Variants in CNTNAP5 observed in about 807,000 individuals in gnomAD.
CNTNAP5 encodes contactin-associated protein-like 5.
CNTNAP5 carries 72 observed loss-of-function variants against 150.2 expected under a neutral mutation model. The ratio of observed to expected loss-of-function variants is 0.48; its 90% CI spans 0.40 to 0.58. CNTNAP5 has a LOEUF of 0.58. Among genes scored for constraint, CNTNAP5 ranks in the 20% least tolerant of loss-of-function variants. The pLI is 0.00. For synonymous variants in CNTNAP5, 672 were observed against 619.8 expected (o/e 1.08, Z -1.25); for missense variants, 1,636 against 1,626.2 (o/e 1.01, Z -0.10).
At chr2:124,706,916 G>GAGAAGAAGAAGAAGAAGAAGA (rs796272013) in intron 13 of CNTNAP5, among the ~76,000 whole-genome samples, 4 of 30,006 alleles carry the variant, frequency 1.3e-4, no homozygotes, top group African/African-American at 5.2e-4. Context: ...GGAGGAGGAG[G>GAGAAGAAGAAGAAGAAGAAGA]AGAAGAAGAA....
At chr2:124,573,007 A>G (rs181400826) in intron 11 of CNTNAP5, among the ~76,000 whole-genome samples, 5 of 152,308 alleles carry the variant, frequency 3.3e-5, no homozygotes, top group Non-Finnish European at 5.9e-5. Context: ...TTTGGCACCT[A>G]GTTACACATA....
At chr2:124,046,379 G>A (rs989804487) in intron 1 of CNTNAP5, among the ~76,000 whole-genome samples, 1 of 144,812 alleles carries the variant, frequency 6.9e-6, no homozygotes, top group African/African-American at 2.6e-5. Flanking sequence ...ATTACTCAGA[G>A]CCTTTCCCTT....
chr2:124,830,127 T>C (rs999509166), intron 19 of CNTNAP5, among the ~76,000 whole-genome samples: 5 of 151,906 alleles, frequency 3.3e-5, no homozygotes, highest in Non-Finnish European at 7.4e-5. Flanking sequence ...ATATTTTCTA[T>C]ACAATCTACC....
At chr2:124,399,454 T>C (rs963580742) in intron 3 of CNTNAP5, among the ~76,000 whole-genome samples, 4 of 152,172 alleles carry the variant, frequency 2.6e-5, no homozygotes, top group African/African-American at 7.2e-5. Flanking sequence ...GGTGAAATTA[T>C]CTTTGGCGAA....
intron 17 of CNTNAP5, among the ~76,000 whole-genome samples, chr2:124,786,443 G>GA: frequency 1.9e-5 from 2 of 104,448 alleles, no homozygotes; most frequent in African/African-American, 4.1e-5. Flanking sequence ...AGGAAGGAAG[G>GA]AAGGAAAGAA....
chr2:124,387,790 C>G (rs1037813784), intron 3 of CNTNAP5, among the ~76,000 whole-genome samples: 2 of 152,136 alleles, frequency 1.3e-5, no homozygotes, highest in African/African-American at 4.8e-5. Context: ...ACAGGGGATG[C>G]GATGGCTTGG....
intron 22 of CNTNAP5, among the ~76,000 whole-genome samples, chr2:124,903,791 T>C (rs1360691766): frequency 6.6e-6 from 1 of 152,112 alleles, no homozygotes; most frequent in Non-Finnish European, 1.5e-5. Context: ...TGGTGGCTTA[T>C]GCCTGAAATT....
chr2:124,772,707 T>C, intron 16 of CNTNAP5, 92 bp from the exon 17 acceptor site: 1 of 898,540 alleles, frequency 1.1e-6, no homozygotes, highest in Non-Finnish European at 1.8e-6. Context: ...TCTATATTGA[T>C]ACTGACTTAC....
rs537748379 is a variant in CNTNAP5, at chr2:124,252,196, G to T, written c.381+9803G>T. 3.9e-5 allele frequency among the ~76,000 whole-genome samples: 6 copies of T among 152,286 alleles called. No individual in the cohort carries two copies. In the East Asian group the frequency reaches 9.7e-4, roughly 25 times the overall value. On this transcript the variant is annotated intron_variant, in intron 3 of 23. Transcript: ENST00000682447. The stretch of plus-strand genomic sequence containing the variant: ...GGGCTATAAATATGTGAGAATTTAA[G>T]AATGTATGTGTGTGTATAGAAGAAG...
intron 13 of CNTNAP5, among the ~76,000 whole-genome samples, chr2:124,720,902 T>C (rs1299417972): frequency 6.6e-6 from 1 of 152,182 alleles, no homozygotes; most frequent in African/African-American, 2.4e-5. Context: ...GGCCCCTTAA[T>C]TTTTTTCTTC....
intron 10 of CNTNAP5, among the ~76,000 whole-genome samples, chr2:124,540,233 G>A (rs1695345727): frequency 6.6e-6 from 1 of 152,158 alleles, no homozygotes; most frequent in South Asian, 2.1e-4. Flanking sequence ...TAGGTAGGGG[G>A]CTATCCCTGC....
intron 3 of CNTNAP5, among the ~76,000 whole-genome samples, chr2:124,410,945 G>A (rs1273228210): frequency 6.6e-6 from 1 of 151,920 alleles, no homozygotes; most frequent in African/African-American, 2.4e-5. Context: ...CCAGGAGCTG[G>A]TTTTTTGAAA....
intron 5 of CNTNAP5, among the ~76,000 whole-genome samples, chr2:124,438,778 G>GT (rs36040295): frequency 5.3e-5 from 8 of 151,700 alleles, no homozygotes; most frequent in East Asian, 1.9e-4. Flanking sequence ...TACTATAAAA[G>GT]TTTTTTTTTA....
chr2:124,680,166 T>C (rs13413315), intron 13 of CNTNAP5, among the ~76,000 whole-genome samples: 39,486 of 151,798 alleles, frequency 0.26, 5,687 homozygotes, highest in African/African-American at 0.37. Flanking sequence ...GTCAACCAGA[T>C]TCCTCTTTAT....
intron 7 of CNTNAP5, among the ~76,000 whole-genome samples, chr2:124,497,969 A>C (rs1291420183): frequency 6.6e-6 from 1 of 152,194 alleles, no homozygotes; most frequent in African/African-American, 2.4e-5. Context: ...TCTGTGTCAA[A>C]AGTCTTGAGG....
At chr2:124,461,460 A>T (rs1693249427) in intron 6 of CNTNAP5, among the ~76,000 whole-genome samples, 1 of 141,732 alleles carries the variant, frequency 7.1e-6, no homozygotes, top group Non-Finnish European at 1.5e-5. Context: ...TCTCACTCAT[A>T]GGTGGGAATT....
chr2:124,324,390 G>A (rs1689167564), intron 3 of CNTNAP5, among the ~76,000 whole-genome samples: 1 of 152,188 alleles, frequency 6.6e-6, no homozygotes, highest in South Asian at 2.1e-4. Flanking sequence ...GGCCATAGAT[G>A]TATATGTCAG....
intron 8 of CNTNAP5, among the ~76,000 whole-genome samples, chr2:124,512,323 G>C (rs1694611749): frequency 6.6e-6 from 1 of 151,634 alleles, no homozygotes. Context: ...GTATTAAAGA[G>C]TAAGTCTACA....
chr2:124,098,864 T>C lies in CNTNAP5; in HGVS notation c.82+73132T>C, dbSNP rs533113839. 1.1e-3 allele frequency among the ~76,000 whole-genome samples: 160 copies of C among 152,294 alleles called. 1 individual carries two copies. The highest frequency in any genetic ancestry group is 3.5e-3 in the African/African-American group (147 of 41,550). On this transcript the variant is annotated intron_variant, in intron 1 of 23. Coordinates refer to ENST00000682447, the MANE Select transcript of CNTNAP5 (RefSeq NM_001367498.1). Reference sequence around the variant, plus strand: ...GGAACTCCACTGCAGTGATATCACCTACATGAGGAAATTGATCCTGTGGAC... The same window carrying C: ...GGAACTCCACTGCAGTGATATCACCCACATGAGGAAATTGATCCTGTGGAC...
Sources: gnomAD v4.1 joint callset for allele counts (sites outside exome capture counted in the v4.1 genomes callset) on GRCh38, gnomAD v4.1.1 for gene constraint, MANE v1.5 for transcripts, NCBI Gene and HGNC (gene_info 2026-07-23, HGNC 2026-07-21) for gene names.